ZNF160: variants seen among roughly 807,000 people sequenced by gnomAD.
The protein encoded by ZNF160 is zinc finger protein 160, also known as KRAB zinc finger protein KR18.
Under a neutral mutation model 13.1 loss-of-function variants are expected in ZNF160, and 9 were observed. The ratio of observed to expected loss-of-function variants is 0.69; its 90% CI spans 0.41 to 1.20. ZNF160 has a LOEUF of 1.20. Among genes scored for constraint, ZNF160 ranks in the 50% most tolerant of loss-of-function variants. The probability of loss-of-function intolerance (pLI) is 0.01; values close to 1 mark genes in which losing one functional copy is unlikely to be tolerated. For missense variants in ZNF160, 838 were observed against 988.0 expected (o/e 0.85, Z 2.04); for synonymous variants, 293 against 333.2 (o/e 0.88, Z 1.31).
At position 53,069,968 on chromosome 19, in the gene ZNF160, A is replaced by G. The variant is rs2084105158; in HGVS notation, c.566T>C (p.Leu189Pro). ...ACCTTGAAATAGCTGCAGTTCAGGC[A>G]GATGAGAATGAAAGCTTACTCCAAG... Reference protein sequence around the residue: ...NQLGVSFHSHLPELQLFQGEG... With the variant: ...NQLGVSFHSHPPELQLFQGEG... The change falls in exon 6 of 6, where the codon CTG (leucine) becomes CCG (proline). Residue 189 changes from leucine (L) to proline (P), a missense_variant. Physicochemically the swap from Leu to Pro is moderately conservative, Grantham distance 98. This residue lies in a region of ZNF160 where 387 missense variants were observed against 402.3 expected (regional missense o/e 0.96). Transcript: ENST00000683776. This position sits in a 1 kb window ranked among gnomAD's most constrained non-coding sequence, Gnocchi z 4.4. The G allele has an allele frequency of 6.2e-7, 1 of 1,614,190 alleles. No individual in the cohort carries two copies. Among genetic ancestry groups the G allele is most frequent in the Non-Finnish European group, 8.5e-7 (1 of 1,180,038 alleles).
intron 3 of ZNF160, among the ~76,000 whole-genome samples, chr19:53,082,241 C>T (rs995733714): frequency 6.6e-6 from 1 of 152,150 alleles, no homozygotes; most frequent in Non-Finnish European, 1.5e-5. Context: ...AGAAACCTCA[C>T]GTGTACCCCC....
At chr19:53,083,023 T>A (rs576119758) in intron 3 of ZNF160, among the ~76,000 whole-genome samples, 3 of 152,188 alleles carry the variant, frequency 2.0e-5, no homozygotes, top group Non-Finnish European at 4.4e-5. Context: ...AATGAATACA[T>A]ATGAAGAGAT....
At chr19:53,096,291 T>C (rs2085232189) in intron 1 of ZNF160, among the ~76,000 whole-genome samples, 1 of 152,190 alleles carries the variant, frequency 6.6e-6, no homozygotes. Flanking sequence ...GGGAGACTGA[T>C]GTATGCAGGG....
chr19:53,100,482 T>C lies in ZNF160; in HGVS notation c.-354+2783A>G, dbSNP rs754687456. ...AAAATTTGCCGGGCGTGGTGGCGGC[T>C]GCCTGTAGTCCCAACTACTTGGGAG... is the stretch of plus-strand genomic sequence containing the variant. On this transcript the variant is annotated intron_variant, in intron 1 of 5. Coordinates refer to ENST00000683776, the MANE Select transcript of ZNF160 (RefSeq NM_001322131.2). 2.0e-4 allele frequency among the ~76,000 whole-genome samples: 30 copies of C among 152,180 alleles called. 1 individual carries two copies. Among genetic ancestry groups the C allele is most frequent in the Non-Finnish European group, 3.8e-4 (26 of 68,010 alleles).
intron 2 of ZNF160, chr19:53,091,157 C>T (rs902230494): frequency 2.0e-5 from 3 of 152,134 alleles, no homozygotes; most frequent in Non-Finnish European, 4.4e-5. Flanking sequence ...GAGACCAGCT[C>T]AGGCAACACA....
At chr19:53,100,666 G>C (rs1057339805) in intron 1 of ZNF160, among the ~76,000 whole-genome samples, 2 of 150,750 alleles carry the variant, frequency 1.3e-5, no homozygotes, top group Non-Finnish European at 3.0e-5. Flanking sequence ...AAGCGTCACT[G>C]ATATCTTTAC....
At chr19:53,081,191 T>C (rs1270982941) in intron 3 of ZNF160, among the ~76,000 whole-genome samples, 1 of 152,038 alleles carries the variant, frequency 6.6e-6, no homozygotes, top group Non-Finnish European at 1.5e-5. Context: ...TCATAATATA[T>C]GCAGCAAAAT....
At chr19:53,080,738 A>G (rs1210839884) in intron 3 of ZNF160, among the ~76,000 whole-genome samples, 1 of 152,250 alleles carries the variant, frequency 6.6e-6, no homozygotes, top group Non-Finnish European at 1.5e-5. Flanking sequence ...TGTATATGAA[A>G]GCAAAAAAGA....
intron 3 of ZNF160, among the ~76,000 whole-genome samples, chr19:53,077,838 A>G (rs1288902508): frequency 6.6e-6 from 1 of 152,066 alleles, no homozygotes; most frequent in African/African-American, 2.4e-5. Context: ...CAGTACTCAT[A>G]AACAACTTCA....
intron 5 of ZNF160, 29 bp from the exon 6 acceptor site, chr19:53,070,291 C>G (rs201316531): frequency 1.3e-6 from 2 of 1,511,646 alleles, no homozygotes; most frequent in Admixed American, 2.3e-5. Context: ...CACATAATTT[C>G]CAATTAATTA....
intron 3 of ZNF160, among the ~76,000 whole-genome samples, chr19:53,076,331 C>T (rs950860134): frequency 2.0e-5 from 3 of 152,128 alleles, no homozygotes; most frequent in African/African-American, 7.2e-5. Context: ...TAAATAAGCA[C>T]AACTGGTATC....
At chr19:53,095,609 T>C (rs2085203912) in intron 1 of ZNF160, 1 of 152,188 alleles carries the variant, frequency 6.6e-6, no homozygotes, top group Non-Finnish European at 1.5e-5. Context: ...GCTTCCCAGC[T>C]GTCCGCAGGT....
chr19:53,080,559 T>C (rs2084592253), intron 3 of ZNF160, among the ~76,000 whole-genome samples: 1 of 124,296 alleles, frequency 8.0e-6, no homozygotes, highest in African/African-American at 3.6e-5. Context: ...AAAATACCAG[T>C]GAAAGAAATC....
chr19:53,073,989 A>G lies in ZNF160; in HGVS notation c.271+151T>C, dbSNP rs369436203. On this transcript the variant is annotated intron_variant, in intron 5 of 5. Coordinates refer to ENST00000683776, the MANE Select transcript of ZNF160 (RefSeq NM_001322131.2). Reference sequence around the variant, plus strand: ...ATTTTTAGTAGAGATAGGGTTTCACAATGTTGGTCAGGCTGGTCTCGAACT... The same window carrying G: ...ATTTTTAGTAGAGATAGGGTTTCACGATGTTGGTCAGGCTGGTCTCGAACT... 58 of 704,424 alleles carry G rather than the reference A, an allele frequency of 8.2e-5. No individual in the cohort carries two copies. The African/African-American group carries it at 1.0e-3, about 13-fold the overall frequency. 43.6% of individuals were successfully genotyped at this position (704,424 alleles called of 1,614,324 possible). A position where few individuals can be genotyped will look rare whatever the true frequency, so the allele number is the denominator to read the frequency against.
chr19:53,100,527 A>ACT (rs2085406329), intron 1 of ZNF160, among the ~76,000 whole-genome samples: 2 of 150,438 alleles, frequency 1.3e-5, no homozygotes, highest in East Asian at 2.0e-4. Context: ...GGAGAATGGC[A>ACT]TGAACCTGGG....
chr19:53,096,319 C>T (rs2085232983), intron 1 of ZNF160, among the ~76,000 whole-genome samples: 1 of 152,106 alleles, frequency 6.6e-6, no homozygotes, highest in Admixed American at 6.6e-5. Context: ...GCATGTTTGT[C>T]CTTGGGGTGG....
chr19:53,099,414 G>A (rs2085363053), intron 1 of ZNF160, among the ~76,000 whole-genome samples: 1 of 152,220 alleles, frequency 6.6e-6, no homozygotes, highest in Non-Finnish European at 1.5e-5. Context: ...CCAGGAGGAG[G>A]CTGGACACTG....
chr19:53,096,053 C>G (rs1185274055), intron 1 of ZNF160, among the ~76,000 whole-genome samples: 3 of 152,030 alleles, frequency 2.0e-5, no homozygotes, highest in African/African-American at 7.2e-5. Flanking sequence ...CCTGTCTCTA[C>G]TAAAAATACA....
At position 53,070,089 on chromosome 19, in the gene ZNF160, T is replaced by C. The variant is rs1216556701; in HGVS notation, c.445A>G (p.Thr149Ala). 1.9e-6 allele frequency: 3 copies of C among 1,614,174 alleles called. No individual in the cohort carries two copies. The highest frequency in any genetic ancestry group is 3.3e-4 in the Middle Eastern group (2 of 6,062). ...HDFECQWRDD[T>A]GNYKGVLMAQ... ...ATAAGCACTCCCTTGTAATTTCCTG[T>C]GTCATCTCTCCATTGACACTCAAAA... The change falls in exon 6 of 6, where the codon ACA (threonine) becomes GCA (alanine). Residue 149 changes from threonine to alanine, a missense_variant. By Grantham distance (58) the Thr-to-Ala change is moderately conservative. Coordinates refer to ENST00000683776, the MANE Select transcript of ZNF160 (RefSeq NM_001322131.2).
Sources: allele counts gnomAD v4.1 joint callset (sites outside exome capture counted in the v4.1 genomes callset), GRCh38; gene constraint gnomAD v4.1.1; regional missense constraint gnomAD v4.1.1; non-coding constraint Gnocchi (gnomAD v3.1); transcripts MANE v1.5; gene names NCBI Gene and HGNC (gene_info 2026-07-23, HGNC 2026-07-21).